Variants in C4orf50 observed in about 807,000 individuals in gnomAD.
C4orf50 encodes uncharacterized protein C4orf50.
In C4orf50, 80 loss-of-function variants were observed where a neutral mutation model predicts 77.2. The ratio of observed to expected loss-of-function variants is 1.04; its 90% CI spans 0.87 to 1.25. C4orf50 has a LOEUF of 1.25. C4orf50 is among the 50% of genes most tolerant of loss of function. The pLI, the probability that C4orf50 is intolerant of heterozygous loss-of-function variation, is 0.00. For missense variants in C4orf50, 1,257 were observed against 1,152.9 expected, an observed-to-expected ratio of 1.09 and a Z score of -1.31; for synonymous variants, 532 against 465.3, an observed-to-expected ratio of 1.14 and a Z score of -1.84.
At chr4:5,949,151 G>A (rs1304343524) in intron 7 of C4orf50, among the ~76,000 whole-genome samples, 1 of 152,074 alleles carries the variant, frequency 6.6e-6, no homozygotes, top group Non-Finnish European at 1.5e-5. Context: ...CCACAGCAGG[G>A]ACACAGCAGC....
At position 5,932,284 on chromosome 4, in the gene C4orf50, G is replaced by A. The variant is rs1008825015; in HGVS notation, c.*2474+24617C>T. Among the ~76,000 whole-genome samples the A allele has an allele frequency of 6.6e-6, 1 of 152,200 alleles. No homozygotes were observed. The highest frequency in any genetic ancestry group is 2.4e-5 in the African/African-American group (1 of 41,450). ...ACTCTTTCCTTGGCCCATTTATGGA[G>A]CACGCACATGAGTAGCGAGGCTGGG... On this transcript the variant is annotated intron_variant, in intron 7 of 7. Transcript: ENST00000324058. The surrounding 1 kb of genome is among the most constrained non-coding windows in gnomAD (Gnocchi z 4.2).
chr4:6,001,968 T>C (rs1160158551), intron 25 of C4orf50, among the ~76,000 whole-genome samples: 2 of 152,198 alleles, frequency 1.3e-5, no homozygotes, highest in Non-Finnish European at 2.9e-5. Context: ...GGTCAGGGAA[T>C]ACCTGGAGGA....
chr4:5,976,851 T>TC (rs1315639757), intron 29 of C4orf50, among the ~76,000 whole-genome samples: 5 of 152,188 alleles, frequency 3.3e-5, no homozygotes, highest in African/African-American at 9.6e-5. Flanking sequence ...TTGAGACTGC[T>TC]CCCCATGGAG....
chr4:5,935,150 C>T (rs1050606710), intron 7 of C4orf50, among the ~76,000 whole-genome samples: 2 of 152,178 alleles, frequency 1.3e-5, no homozygotes, highest in African/African-American at 4.8e-5. Context: ...AGGAGCAGTT[C>T]TCACAGGTCA....
chr4:5,899,128 A>T (rs1716245094), intron 7 of C4orf50: 2 of 152,256 alleles, frequency 1.3e-5, no homozygotes, highest in South Asian at 4.1e-4. Flanking sequence ...ATACATTAAC[A>T]AACCCCAGGG....
chr4:5,980,417 T>C (rs900407434), intron 28 of C4orf50, 79 bp from the exon 7 acceptor site: 3 of 1,317,162 alleles, frequency 2.3e-6, no homozygotes, highest in Non-Finnish European at 3.1e-6. Context: ...CGGTACCCGT[T>C]TCCCCACTCC....
rs28631797 is a variant in C4orf50 at position 5,991,173 on chromosome 4, C to T, written c.1222-349G>A. The stretch of plus-strand genomic sequence containing the variant: ...CACAGCACCCTCCATGCCCTCACAC[C>T]ATATTATATATTTCTGTCTATATCA... On this transcript the variant is annotated intron_variant, in intron 27 of 33. Transcript: ENST00000531445. Among the ~76,000 whole-genome samples, 941 of 152,310 alleles carry T rather than the reference C, an allele frequency of 6.2e-3. 7 individuals carry two copies. The highest frequency in any genetic ancestry group is 0.022 in the African/African-American group (908 of 41,558).
chr4:5,964,982 A>T lies in C4orf50; in HGVS notation c.4275+42T>A. The T allele has an allele frequency of 2.5e-6, 4 of 1,591,942 alleles. No individual in the cohort carries two copies. The South Asian group carries it at 4.5e-5, about 18-fold the overall frequency. On this transcript the variant is annotated intron_variant, in intron 33 of 33. Transcript: ENST00000531445. ...CTGTAAATGTGTTGTACTTTCAATA[A>T]CAAAGTTCATTTAGGAAATGAGGTG...
chr4:5,912,256 CGTGTGTGTGTGTGTGT>C (rs58017259), intron 7 of C4orf50, among the ~76,000 whole-genome samples: 2 of 146,310 alleles, frequency 1.4e-5, no homozygotes, highest in Non-Finnish European at 3.0e-5. Context: ...GCACTCCACT[CGTGTGTGTGTGTGTGT>C]GTGTGTGTGT....
chr4:5,952,168 A>G (rs761251512), downstream of C4orf50, among the ~76,000 whole-genome samples: 15 of 152,140 alleles, frequency 9.9e-5, no homozygotes, highest in Non-Finnish European at 2.1e-4. The surrounding 1 kb of genome is among the most constrained non-coding windows in gnomAD (Gnocchi z 4.4). Context: ...CAGGGTCAGG[A>G]GTCGTAAGAG....
chr4:5,922,216 C>A (rs888352514), intron 7 of C4orf50, among the ~76,000 whole-genome samples: 1 of 152,176 alleles, frequency 6.6e-6, no homozygotes, highest in African/African-American at 2.4e-5. Context: ...TGGGCCGGGG[C>A]CCACTGCGAT....
chr4:6,010,273 C>T (rs1297371587), intron 24 of C4orf50, among the ~76,000 whole-genome samples: 1 of 152,144 alleles, frequency 6.6e-6, no homozygotes, highest in Non-Finnish European at 1.5e-5. Flanking sequence ...TACTATGAGC[C>T]AGGGAGAAGT....
intron 31 of C4orf50, among the ~76,000 whole-genome samples, chr4:5,971,193 C>T (rs1185124763): frequency 6.6e-6 from 1 of 152,222 alleles, no homozygotes; most frequent in Non-Finnish European, 1.5e-5. Context: ...TGGCAGTCCT[C>T]CTGGGCTCCT....
At position 5,950,558 on chromosome 4, in the gene C4orf50, A is replaced by T. The variant is rs182536652; in HGVS notation, c.*2474+6343T>A. Among the ~76,000 whole-genome samples the T allele has an allele frequency of 1.2e-4, 18 of 152,142 alleles. No homozygotes were observed. The East Asian group carries it at 3.1e-3, about 26-fold the overall frequency. ...GTTGAATCTGTTCTTTTACTCGCTG[A>T]GTTCTCCTGGGCAAGCTACTTCACC... is the stretch of plus-strand genomic sequence containing the variant. On this transcript the variant is annotated intron_variant, in intron 7 of 7. Coordinates refer to the C4orf50 transcript ENST00000324058.
At chr4:5,963,065 G>A (rs576698196) in intron 33 of C4orf50, among the ~76,000 whole-genome samples, 2 of 148,354 alleles carry the variant, frequency 1.3e-5, no homozygotes, top group Non-Finnish European at 3.0e-5. Flanking sequence ...GCAGAGACAC[G>A]ATCTTGGCTC....
In C4orf50 at chr4:5,927,300, A is replaced by C. The variant is rs541784304; in HGVS notation, c.*2475-29112T>G. Among the ~76,000 whole-genome samples the C allele has an allele frequency of 3.9e-5, 6 of 152,018 alleles. 1 individual carries two copies. The South Asian group carries it at 1.3e-3, about 32-fold the overall frequency. On this transcript the variant is annotated intron_variant, in intron 7 of 7. Transcript: ENST00000324058. Reference sequence around the variant, plus strand: ...TTGCTCCTTTTCCAGCCCATCTCTGACACTGACCGCTCCCCACTCCAACCA... The same window carrying C: ...TTGCTCCTTTTCCAGCCCATCTCTGCCACTGACCGCTCCCCACTCCAACCA...
chr4:5,978,114 G>A (rs890710823), intron 29 of C4orf50, among the ~76,000 whole-genome samples: 1 of 152,184 alleles, frequency 6.6e-6, no homozygotes, highest in Non-Finnish European at 1.5e-5. Flanking sequence ...CAAAACCAAT[G>A]AGAGACAATC....
At chr4:5,951,112 C>A (rs1033949236) in intron 7 of C4orf50, among the ~76,000 whole-genome samples, 1 of 152,302 alleles carries the variant, frequency 6.6e-6, no homozygotes, top group Non-Finnish European at 1.5e-5. Context: ...ATCTTCTGGA[C>A]CAGAACTAGG....
At chr4:5,963,635 A>T (rs910369147) in intron 33 of C4orf50, among the ~76,000 whole-genome samples, 2 of 152,214 alleles carry the variant, frequency 1.3e-5, no homozygotes, top group African/African-American at 4.8e-5. Flanking sequence ...ATCCATGGGG[A>T]TAAAAGAAGG....
Sources: allele counts gnomAD v4.1 joint callset (sites outside exome capture counted in the v4.1 genomes callset), GRCh38; gene constraint gnomAD v4.1.1; non-coding constraint Gnocchi (gnomAD v3.1); transcripts MANE v1.5; gene names NCBI Gene and HGNC (gene_info 2026-07-23, HGNC 2026-07-21).